MAST4: variants seen among roughly 807,000 people sequenced by gnomAD.
MAST4 encodes microtubule-associated serine/threonine-protein kinase 4.
In MAST4, 89 loss-of-function variants were observed where a neutral mutation model predicts 162.7. The observed-to-expected ratio is 0.55, with a 90% CI of 0.46 to 0.65. MAST4 has a LOEUF of 0.65. Ranked by LOEUF, MAST4 falls within the 30% of genes least tolerant of loss-of-function variation. The pLI is 0.00. For missense variants in MAST4, 3,153 were observed against 3,374.0 expected, an observed-to-expected ratio of 0.93 and a Z score of 1.62; for synonymous variants, 1,479 against 1,361.1, an observed-to-expected ratio of 1.09 and a Z score of -1.91.
At chr5:66,894,536 C>T (rs1762559411) in intron 3 of MAST4, among the ~76,000 whole-genome samples, 1 of 152,176 alleles carries the variant, frequency 6.6e-6, no homozygotes, top group African/African-American at 2.4e-5. Context: ...TGATATACTG[C>T]CTTACACATC....
chr5:66,697,050 G>T (rs1195648093), intron 1 of MAST4, among the ~76,000 whole-genome samples: 1 of 152,206 alleles, frequency 6.6e-6, no homozygotes, highest in Non-Finnish European at 1.5e-5. Context: ...GCACTTGTGC[G>T]ATCGGTGGAC....
At chr5:67,069,773 A>G (rs1176222338) in intron 5 of MAST4, among the ~76,000 whole-genome samples, 1 of 152,064 alleles carries the variant, frequency 6.6e-6, no homozygotes, top group Non-Finnish European at 1.5e-5. Context: ...ATTAGGCCTA[A>G]AGCCTATTTT....
chr5:66,642,696 A>G (rs1327009002), intron 1 of MAST4, among the ~76,000 whole-genome samples: 1 of 152,196 alleles, frequency 6.6e-6, no homozygotes, highest in Admixed American at 6.5e-5. Context: ...ATAGCTAGGT[A>G]TAATTATGAT....
chr5:67,061,146 C>T (rs1759529315), intron 5 of MAST4, among the ~76,000 whole-genome samples: 1 of 142,816 alleles, frequency 7.0e-6, no homozygotes, highest in Non-Finnish European at 1.5e-5. Context: ...AGTCTTTTTT[C>T]CTGTATGTAC....
chr5:66,896,986 G>T (rs767695384), intron 3 of MAST4, among the ~76,000 whole-genome samples: 1 of 152,004 alleles, frequency 6.6e-6, no homozygotes, highest in South Asian at 2.1e-4. Context: ...TAAAAGTCTG[G>T]GGGGAGGATA....
At chr5:67,142,307 C>T (rs1282507429) in intron 20 of MAST4, 70 bp downstream of exon 20, 2 of 1,569,348 alleles carry the variant, frequency 1.3e-6, no homozygotes, top group African/African-American at 2.7e-5. Context: ...TGCTTTTGAA[C>T]CTTTTCATAT....
chr5:67,049,009 A>ACATATATATATACG (rs1561576044), intron 4 of MAST4, among the ~76,000 whole-genome samples: 9 of 125,428 alleles, frequency 7.2e-5, no homozygotes, highest in African/African-American at 2.2e-4. Context: ...ATACACACAC[A>ACATATATATATACG]TATATATATA....
intron 1 of MAST4, among the ~76,000 whole-genome samples, chr5:66,609,626 A>T (rs1057433243): frequency 5.4e-5 from 8 of 149,250 alleles, no homozygotes; most frequent in Non-Finnish European, 8.9e-5. Context: ...GGCTCAAGTG[A>T]TCCACCCACC....
intron 4 of MAST4, among the ~76,000 whole-genome samples, chr5:67,040,163 T>C (rs1157319699): frequency 4.6e-5 from 7 of 152,072 alleles, no homozygotes; most frequent in African/African-American, 9.7e-5. Flanking sequence ...TGGGTTCTCT[T>C]GAACACTGAG....
intron 26 of MAST4, among the ~76,000 whole-genome samples, chr5:67,157,932 C>T (rs562704312): frequency 6.6e-6 from 1 of 152,286 alleles, no homozygotes; most frequent in East Asian, 1.9e-4. Flanking sequence ...AAAAGTCAAT[C>T]CTGAATTGTA....
chr5:66,758,748 T>C (rs1753695050), intron 1 of MAST4, among the ~76,000 whole-genome samples: 3 of 152,184 alleles, frequency 2.0e-5, no homozygotes, highest in Admixed American at 2.0e-4. Context: ...AAAACAAATC[T>C]CAGTGAAGCG....
chr5:66,998,887 G>A (rs1379788125), intron 4 of MAST4, among the ~76,000 whole-genome samples: 1 of 152,226 alleles, frequency 6.6e-6, no homozygotes, highest in African/African-American at 2.4e-5. Context: ...CCAGTAGAGG[G>A]ATATCTAATT....
chr5:66,917,031 C>G (rs1415889635), intron 4 of MAST4: 1 of 717,932 alleles, frequency 1.4e-6, no homozygotes, highest in Non-Finnish European at 2.6e-6. Context: ...ATGTGTATTT[C>G]TAATTTTAAT....
rs372236860 is a variant in MAST4 at position 66,748,269 on chromosome 5, C to T, written c.364-11440C>T. Among the ~76,000 whole-genome samples the T allele has an allele frequency of 6.6e-5, 10 of 151,838 alleles. No homozygotes were observed. In the Middle Eastern group the frequency reaches 0.01, roughly 155 times the overall value. On this transcript the variant is annotated intron_variant, in intron 1 of 28. Coordinates refer to ENST00000403625, the MANE Select transcript of MAST4 (RefSeq NM_001164664.2). ...TCCAGAGCAATACCTGGCACACAGC[C>T]GCTTAATAAATGTCTATAAAAAGAG... is the stretch of plus-strand genomic sequence containing the variant.
chr5:66,986,972 C>CA (rs1749584567), intron 4 of MAST4, among the ~76,000 whole-genome samples: 1 of 152,122 alleles, frequency 6.6e-6, no homozygotes, highest in African/African-American at 2.4e-5. Context: ...TCTTATCTCT[C>CA]AAAATCTTAA....
chr5:66,992,406 C>T (rs1211041265), intron 4 of MAST4, among the ~76,000 whole-genome samples: 1 of 152,178 alleles, frequency 6.6e-6, no homozygotes. Flanking sequence ...ATAGCTACCA[C>T]TCCTTGGGAA....
chr5:67,149,522 AAAG>A lies in MAST4; in HGVS notation c.3231_3233del (p.Lys1078del). The A allele has an allele frequency of 5.0e-6, 8 of 1,613,840 alleles. No homozygotes were observed. The highest frequency in any genetic ancestry group is 6.8e-6 in the Non-Finnish European group (8 of 1,179,860). ...GGCAGCGATTAGAAAGCACAGAAAAAAAGAAAATCTCGGGGAAAGTCACAAAGT... is the reference window on the plus strand; with the variant it reads ...GGCAGCGATTAGAAAGCACAGAAAAAAAAATCTCGGGGAAAGTCACAAAGT... On this transcript the variant is annotated inframe_deletion, in exon 24 of 29. Transcript: ENST00000403625.
At chr5:66,844,468 C>G (rs140491125) in intron 3 of MAST4, among the ~76,000 whole-genome samples, 26 of 152,148 alleles carry the variant, frequency 1.7e-4, no homozygotes, top group African/African-American at 6.0e-4. Context: ...AACTTGTGAT[C>G]TACGGGAAGT....
intron 5 of MAST4, among the ~76,000 whole-genome samples, chr5:67,087,989 C>T (rs1197456711): frequency 6.6e-6 from 1 of 152,096 alleles, no homozygotes; most frequent in Non-Finnish European, 1.5e-5. Context: ...TGGTTAGTGG[C>T]AGCCTTGTTT....
Sources: gnomAD v4.1 joint callset for allele counts (sites outside exome capture counted in the v4.1 genomes callset) on GRCh38, gnomAD v4.1.1 for gene constraint, MANE v1.5 for transcripts, NCBI Gene and HGNC (gene_info 2026-07-23, HGNC 2026-07-21) for gene names.